The following HERC4 variants were observed in gnomAD, a reference collection of about 807,000 sequenced individuals.
HERC4 encodes probable E3 ubiquitin-protein ligase HERC4.
A neutral mutation model predicts 124.3 loss-of-function variants in HERC4; 28 were observed. That is an observed-to-expected ratio of 0.23 (90% CI 0.17 to 0.31). The LOEUF is 0.31. HERC4 is among the 10% of genes least tolerant of loss of function. The pLI, the probability that HERC4 is intolerant of heterozygous loss-of-function variation, is 1.00. For missense variants in HERC4, 713 were observed against 1,229.3 expected, an observed-to-expected ratio of 0.58 and a Z score of 6.28; for synonymous variants, 407 against 421.5, an observed-to-expected ratio of 0.97 and a Z score of 0.42.
chr10:68,071,617 C>T (rs1178398307), intron 3 of HERC4, among the ~76,000 whole-genome samples: 2 of 152,068 alleles, frequency 1.3e-5, no homozygotes, highest in African/African-American at 2.4e-5. Context: ...TCATCAAATG[C>T]GTATCAGTAA....
In HERC4 at chr10:67,982,137, A is replaced by G. The variant is rs147430036; in HGVS notation, c.1806+6526T>C. 2.2e-4 allele frequency among the ~76,000 whole-genome samples: 34 copies of G among 152,306 alleles called. No individual in the cohort carries two copies. The East Asian group carries it at 6.4e-3, about 29-fold the overall frequency. ...ATCCTAAAATTTACACAGAACCACA[A>G]AAGACCCAGAATAGTCAAAGCTATC... On this transcript the variant is annotated intron_variant, in intron 15 of 24. Transcript: ENST00000373700.
At chr10:67,947,433 A>G (rs1049991889) in intron 19 of HERC4, among the ~76,000 whole-genome samples, 1 of 152,244 alleles carries the variant, frequency 6.6e-6, no homozygotes, top group African/African-American at 2.4e-5. Flanking sequence ...TATGAACCTA[A>G]CAACACAGCT....
intron 16 of HERC4, among the ~76,000 whole-genome samples, chr10:67,963,680 A>C (rs2034670631): frequency 6.6e-6 from 1 of 152,164 alleles, no homozygotes; most frequent in Admixed American, 6.5e-5. Flanking sequence ...ATATCCCTCC[A>C]AATGTTCTGA....
chr10:67,952,084 C>T (rs1052356873), intron 19 of HERC4, among the ~76,000 whole-genome samples: 1 of 152,160 alleles, frequency 6.6e-6, no homozygotes, highest in Non-Finnish European at 1.5e-5. Flanking sequence ...ACCATTACCT[C>T]TGACTTCTTA....
At chr10:68,010,509 T>C in intron 9 of HERC4, 3 of 955,166 alleles carry the variant, frequency 3.1e-6, no homozygotes, top group South Asian at 1.4e-5. Context: ...CTGGGCAATG[T>C]GACTGATCTG....
At chr10:68,029,281 A>C (rs1267221215) in intron 7 of HERC4, among the ~76,000 whole-genome samples, 1 of 152,200 alleles carries the variant, frequency 6.6e-6, no homozygotes, top group Non-Finnish European at 1.5e-5. Context: ...TCTTGAGGTC[A>C]GGAGTTCAAG....
At chr10:68,055,576 C>A (rs1463449418) in intron 3 of HERC4, among the ~76,000 whole-genome samples, 1 of 152,070 alleles carries the variant, frequency 6.6e-6, no homozygotes, top group Non-Finnish European at 1.5e-5. Flanking sequence ...CTTATTTAAT[C>A]CTCATAACAC....
At chr10:68,059,456 TATA>T (rs200407985) in intron 3 of HERC4, among the ~76,000 whole-genome samples, 13,370 of 89,244 alleles carry the variant, frequency 0.15, 1,333 homozygotes, top group African/African-American at 0.42. Flanking sequence ...TATTATATAT[TATA>T]ATAATATTAT....
intron 15 of HERC4, among the ~76,000 whole-genome samples, chr10:67,982,161 T>C (rs1031207608): frequency 2.0e-5 from 3 of 152,116 alleles, no homozygotes; most frequent in African/African-American, 4.8e-5. Flanking sequence ...GTCAAAGCTA[T>C]CTTAAGCAAA....
chr10:67,974,039 C>G (rs938170886), intron 15 of HERC4, among the ~76,000 whole-genome samples: 1 of 129,174 alleles, frequency 7.7e-6, no homozygotes, highest in African/African-American at 2.9e-5. Context: ...GAGAGAGACT[C>G]TGTCTCAAAA....
chr10:68,035,759 T>C (rs1421159804), intron 5 of HERC4, among the ~76,000 whole-genome samples: 1 of 152,182 alleles, frequency 6.6e-6, no homozygotes, highest in Non-Finnish European at 1.5e-5. Flanking sequence ...ACACACTTGC[T>C]GTTCTCTCTA....
At chr10:68,023,655 G>A (rs1436256796) in intron 8 of HERC4, among the ~76,000 whole-genome samples, 1 of 152,170 alleles carries the variant, frequency 6.6e-6, no homozygotes, top group Non-Finnish European at 1.5e-5. Context: ...CAATATTAAT[G>A]TACTTAATAC....
chr10:67,934,137 G>A (rs185473667), intron 22 of HERC4, among the ~76,000 whole-genome samples: 1 of 152,072 alleles, frequency 6.6e-6, no homozygotes, highest in Non-Finnish European at 1.5e-5. Context: ...ATTTCAATTT[G>A]CTTTGGATTA....
chr10:68,064,576 A>AG lies in HERC4; in HGVS notation c.226+8306_226+8307insC, dbSNP rs554790813. Among the ~76,000 whole-genome samples the AG allele has an allele frequency of 9.1e-3, 1,371 of 150,212 alleles. 7 individuals are homozygous for AG. Among genetic ancestry groups the AG allele is most frequent in the Non-Finnish European group, 0.014 (954 of 67,354 alleles). On this transcript the variant is annotated intron_variant, in intron 3 of 24. Transcript: ENST00000373700. ...ATTCTCTCTCAAAAAAAAAAAAAAA[A>AG]AGAGAGAGAGAGAAAAAAAGAAAAA...
chr10:67,986,495 G>C (rs35148717), intron 15 of HERC4, among the ~76,000 whole-genome samples: 1 of 152,180 alleles, frequency 6.6e-6, no homozygotes, highest in East Asian at 1.9e-4. Flanking sequence ...TGGAATTACA[G>C]GCATGCACCA....
intron 7 of HERC4, among the ~76,000 whole-genome samples, chr10:68,028,910 CT>C (rs2039042634): frequency 6.6e-6 from 1 of 152,182 alleles, no homozygotes; most frequent in Non-Finnish European, 1.5e-5. Flanking sequence ...AGAATGCACA[CT>C]TGTAATTCCA....
intron 9 of HERC4, 32 bp downstream of exon 9, chr10:68,013,994 A>T (rs760519384): frequency 6.7e-7 from 1 of 1,502,636 alleles, no homozygotes; most frequent in South Asian, 1.3e-5. Flanking sequence ...ACTTCAATAT[A>T]TGAAGGAAAG....
At position 67,954,945 on chromosome 10, in the gene HERC4, C is replaced by T. The variant is rs1338047791; in HGVS notation, c.2193+18G>A. ...CTGAATAAAAGTCCCAATTATACCACAGAAAATGTCAAATTACCTTGAGTG... is the reference window on the plus strand; with the variant it reads ...CTGAATAAAAGTCCCAATTATACCATAGAAAATGTCAAATTACCTTGAGTG... On this transcript the variant is annotated intron_variant, in intron 18 of 24. Transcript: ENST00000373700. 3 of 1,579,140 alleles carry T rather than the reference C, an allele frequency of 1.9e-6. No individual in the cohort carries two copies. The highest frequency in any genetic ancestry group is 2.0e-5 in the Admixed American group (1 of 50,948).
intron 23 of HERC4, among the ~76,000 whole-genome samples, chr10:67,927,049 T>C (rs17454621): frequency 0.086 from 13,091 of 152,226 alleles, 772 homozygotes; most frequent in Middle Eastern, 0.17. Flanking sequence ...GTAGCCATGA[T>C]TTATCTTAAT....
Sources: allele counts gnomAD v4.1 joint callset (sites outside exome capture counted in the v4.1 genomes callset), GRCh38; gene constraint gnomAD v4.1.1; transcripts MANE v1.5; gene names NCBI Gene and HGNC (gene_info 2026-07-23, HGNC 2026-07-21).